Variants in GHR observed in about 807,000 individuals in gnomAD.
GHR encodes the protein GH receptor.
A neutral mutation model predicts 67.1 loss-of-function variants in GHR; 35 were observed. The observed-to-expected ratio is 0.52, with a 90% CI of 0.40 to 0.69. The LOEUF is 0.69. GHR is among the 30% of genes least tolerant of loss of function. GHR has a pLI of 0.00. For synonymous variants in GHR, 272 were observed against 269.1 expected, an observed-to-expected ratio of 1.01 and a Z score of -0.10; for missense variants, 792 against 764.6, an observed-to-expected ratio of 1.04 and a Z score of -0.42.
intron 1 of GHR, 124 bp from the exon 2 acceptor site, chr5:42,565,740 C>G: frequency 6.3e-7 from 1 of 1,578,370 alleles, no homozygotes; most frequent in Non-Finnish European, 8.6e-7. Context: ...GAAAGACTTA[C>G]CAGGATTCCT....
intron 3 of GHR, among the ~76,000 whole-genome samples, chr5:42,656,296 C>T (rs956951885): frequency 1.1e-4 from 16 of 152,146 alleles, no homozygotes; most frequent in African/African-American, 3.1e-4. Flanking sequence ...TTTATATAAA[C>T]AACACATATA....
chr5:42,638,865 A>C (rs1425229135), intron 3 of GHR, among the ~76,000 whole-genome samples: 1 of 152,160 alleles, frequency 6.6e-6, no homozygotes, highest in Non-Finnish European at 1.5e-5. Flanking sequence ...AATAATTTTT[A>C]TTTCTAATGA....
chr5:42,492,698 G>A (rs1276849279), intron 1 of GHR, among the ~76,000 whole-genome samples: 1 of 152,158 alleles, frequency 6.6e-6, no homozygotes, highest in East Asian at 1.9e-4. Context: ...AAAAATCTTT[G>A]GAGAAATAGA....
At chr5:42,680,968 G>A (rs1041502890) in intron 3 of GHR, among the ~76,000 whole-genome samples, 1 of 151,972 alleles carries the variant, frequency 6.6e-6, no homozygotes, top group Non-Finnish European at 1.5e-5. Flanking sequence ...ATTCAAGATG[G>A]ATTAAAGACT....
In GHR at chr5:42,560,962, T is replaced by C. The variant is rs73085411; in HGVS notation, c.-11-4902T>C. 1.3e-3 allele frequency among the ~76,000 whole-genome samples: 200 copies of C among 152,352 alleles called. 2 individuals carry two copies. Among genetic ancestry groups the C allele is most frequent in the African/African-American group, 4.7e-3 (197 of 41,588 alleles). ...CCACTTTTGCACAAATCTGAGTTTCTGATCAATCTGAGTTCAGAATGCTGT... is the reference window on the plus strand; with the variant it reads ...CCACTTTTGCACAAATCTGAGTTTCCGATCAATCTGAGTTCAGAATGCTGT... On this transcript the variant is annotated intron_variant, in intron 1 of 9. Transcript: ENST00000230882.
intron 1 of GHR, among the ~76,000 whole-genome samples, chr5:42,545,317 G>A (rs1215050875): frequency 6.6e-6 from 1 of 152,120 alleles, no homozygotes; most frequent in East Asian, 1.9e-4. Context: ...AGAAAATGTG[G>A]CAATATAATT....
intron 2 of GHR, among the ~76,000 whole-genome samples, chr5:42,602,274 C>G (rs1159671723): frequency 6.6e-6 from 1 of 152,090 alleles, no homozygotes; most frequent in Non-Finnish European, 1.5e-5. Context: ...TAGACTTATT[C>G]ATCCTTCATA....
chr5:42,447,406 A>G (rs950719106), intron 1 of GHR, among the ~76,000 whole-genome samples: 4 of 152,122 alleles, frequency 2.6e-5, no homozygotes, highest in Non-Finnish European at 5.9e-5. Flanking sequence ...TTGGTTTTCC[A>G]TTCCTGAGTT....
chr5:42,467,873 G>T, intron 1 of GHR: 1 of 872,844 alleles, frequency 1.1e-6, no homozygotes. Context: ...TTTTCCCACA[G>T]ATTTCTTACA....
intron 2 of GHR, among the ~76,000 whole-genome samples, chr5:42,566,691 A>G (rs1457054550): frequency 6.6e-6 from 1 of 150,868 alleles, no homozygotes; most frequent in Non-Finnish European, 1.5e-5. Context: ...TTTAATGAGT[A>G]CTTGATGTTT....
rs1050102603 is a variant in GHR at position 42,593,349 on chromosome 5, C to A, written c.70+27405C>A. On this transcript the variant is annotated intron_variant, in intron 2 of 9. Coordinates refer to ENST00000230882, the MANE Select transcript of GHR (RefSeq NM_000163.5). Reference sequence around the variant, plus strand: ...TCTATGTTTTCCTAAGGATGTGGGGCATTAGGCCAATGGAAACTGTCTCTC... The same window carrying A: ...TCTATGTTTTCCTAAGGATGTGGGGAATTAGGCCAATGGAAACTGTCTCTC... 5.9e-5 allele frequency among the ~76,000 whole-genome samples: 9 copies of A among 152,300 alleles called. No homozygotes were observed. The East Asian group carries it at 1.3e-3, about 23-fold the overall frequency.
intron 3 of GHR, among the ~76,000 whole-genome samples, chr5:42,660,363 G>C (rs1332778893): frequency 6.6e-6 from 1 of 152,186 alleles, no homozygotes; most frequent in Non-Finnish European, 1.5e-5. Flanking sequence ...ACACCCCTCA[G>C]TAGGGGCAGA....
In GHR at chr5:42,550,087, A is replaced by G. The variant is rs1748941308; in HGVS notation, c.-11-15777A>G. On this transcript the variant is annotated intron_variant, in intron 1 of 9. Coordinates refer to ENST00000230882, the MANE Select transcript of GHR (RefSeq NM_000163.5). ...TATTGTCTGCCTGATGATCAATGAT[A>G]TTAGCTATGACAGCACGTATGAGCC... is the stretch of plus-strand genomic sequence containing the variant. 8 of 978,046 alleles carry G rather than the reference A, an allele frequency of 8.2e-6. No individual in the cohort carries two copies. The South Asian group carries it at 2.8e-4, about 35-fold the overall frequency. The allele number at this position is 978,046 out of a possible 1,614,324, so 60.6% of individuals were successfully genotyped here. A position where few individuals can be genotyped will look rare whatever the true frequency, so the allele number is the denominator to read the frequency against.
chr5:42,510,730 G>T (rs1432085644), intron 1 of GHR, among the ~76,000 whole-genome samples: 1 of 152,206 alleles, frequency 6.6e-6, no homozygotes, highest in Non-Finnish European at 1.5e-5. Flanking sequence ...GAGCTGAGAT[G>T]AGACAGATGA....
At chr5:42,643,554 C>T (rs899906050) in intron 3 of GHR, among the ~76,000 whole-genome samples, 2 of 152,168 alleles carry the variant, frequency 1.3e-5, no homozygotes, top group Admixed American at 6.5e-5. Flanking sequence ...TATGAGCACA[C>T]ATCCTTCATC....
At chr5:42,605,154 A>G (rs988715975) in intron 2 of GHR, among the ~76,000 whole-genome samples, 2 of 142,126 alleles carry the variant, frequency 1.4e-5, no homozygotes, top group African/African-American at 2.7e-5. Flanking sequence ...CTGGAGTGCA[A>G]TGGTGCCATT....
chr5:42,548,251 A>G (rs564945082), intron 1 of GHR: 2 of 985,278 alleles, frequency 2.0e-6, no homozygotes, highest in Non-Finnish European at 2.4e-6. Flanking sequence ...GAGATTGAGA[A>G]TGACTGATTT....
intron 2 of GHR, among the ~76,000 whole-genome samples, chr5:42,573,519 T>A (rs1313498523): frequency 6.6e-6 from 1 of 152,008 alleles, no homozygotes; most frequent in Non-Finnish European, 1.5e-5. Context: ...AGTGACCCGG[T>A]CACCCAGCAC....
intron 2 of GHR, among the ~76,000 whole-genome samples, chr5:42,579,140 TGATAGATAGATATAGATAG>T (rs1561138976): frequency 0.029 from 1,715 of 58,882 alleles, 21 homozygotes; most frequent in Non-Finnish European, 0.034. Flanking sequence ...GATAGATAGA[TGATAGATAGATATAGATAG>T]ATAGATAGAT....
Sources: allele counts gnomAD v4.1 joint callset (sites outside exome capture counted in the v4.1 genomes callset), GRCh38; gene constraint gnomAD v4.1.1; transcripts MANE v1.5; gene names NCBI Gene and HGNC (gene_info 2026-07-23, HGNC 2026-07-21).